Variants in PHACTR1 observed in about 807,000 individuals in gnomAD.
PHACTR1 encodes RPEL repeat containing 1.
A neutral mutation model predicts 69.2 loss-of-function variants in PHACTR1; 16 were observed. The ratio of observed to expected loss-of-function variants is 0.23; its 90% confidence interval spans 0.16 to 0.35. PHACTR1 has a LOEUF of 0.35. PHACTR1 is among the 10% of genes least tolerant of loss of function. The probability of loss-of-function intolerance (pLI) is 1.00; values close to 1 mark genes in which losing one functional copy is unlikely to be tolerated. For missense variants in PHACTR1, 510 were observed against 734.7 expected, an observed-to-expected ratio of 0.69 and a Z score of 3.54; for synonymous variants, 312 against 284.5, an observed-to-expected ratio of 1.10 and a Z score of -0.97.
intron 4 of PHACTR1, among the ~76,000 whole-genome samples, chr6:12,942,288 T>C (rs961494780): frequency 1.3e-5 from 2 of 152,224 alleles, no homozygotes; most frequent in Admixed American, 6.5e-5. Context: ...TTAGTGTGCC[T>C]AGCACTGTGC....
At chr6:13,231,474 AGG>A (rs1395699449) in intron 10 of PHACTR1, among the ~76,000 whole-genome samples, 2 of 151,642 alleles carry the variant, frequency 1.3e-5, no homozygotes, top group Non-Finnish European at 2.9e-5. Flanking sequence ...GAAGGAAGGA[AGG>A]AAAGAAGGAA....
At chr6:12,842,683 A>G (rs976342484) in intron 4 of PHACTR1, among the ~76,000 whole-genome samples, 2 of 151,508 alleles carry the variant, frequency 1.3e-5, no homozygotes, top group African/African-American at 4.9e-5. Flanking sequence ...CTGGGACTGT[A>G]GGCAAGTACT....
At chr6:12,957,634 G>A in intron 4 of PHACTR1, 1 of 985,656 alleles carries the variant, frequency 1.0e-6, no homozygotes. Flanking sequence ...GGGTTGGTGT[G>A]CCTGCCAACT....
rs1157388537 is a variant in PHACTR1, at chr6:12,731,880, A to G, written c.103+13033A>G. ...ATGCTCACATGTCGCCACACATTCA[A>G]AGGTAGAATGTCTCAATGTTGTGCG... On this transcript the variant is annotated intron_variant, in intron 3 of 14. Transcript: ENST00000332995. Among the ~76,000 whole-genome samples the G allele has an allele frequency of 2.6e-5, 4 of 152,326 alleles. 1 individual carries two copies. The South Asian group carries it at 6.2e-4, about 24-fold the overall frequency.
intron 4 of PHACTR1, among the ~76,000 whole-genome samples, chr6:12,975,317 AAAG>A (rs1276031709): frequency 6.6e-6 from 1 of 152,242 alleles, no homozygotes; most frequent in East Asian, 1.9e-4. Flanking sequence ...GCTACACGTT[AAAG>A]AAGAGCTCAC....
At chr6:13,050,312 TA>T (rs1337018697) in intron 4 of PHACTR1, among the ~76,000 whole-genome samples, 5 of 152,234 alleles carry the variant, frequency 3.3e-5, no homozygotes, top group African/African-American at 1.2e-4. Flanking sequence ...AACCCGTACT[TA>T]AAACCTTCTG....
At chr6:12,938,480 C>T (rs1335500744) in intron 4 of PHACTR1, among the ~76,000 whole-genome samples, 4 of 152,142 alleles carry the variant, frequency 2.6e-5, no homozygotes, top group East Asian at 3.9e-4. Context: ...GACAATAACA[C>T]GGCATGGCCC....
intron 4 of PHACTR1, among the ~76,000 whole-genome samples, chr6:12,829,409 G>C (rs1418336105): frequency 6.6e-6 from 1 of 152,148 alleles, no homozygotes; most frequent in Admixed American, 6.5e-5. Flanking sequence ...TGTTGCCTCA[G>C]GTACAAGACA....
At chr6:13,209,394 C>T (rs1766445926) in intron 8 of PHACTR1, among the ~76,000 whole-genome samples, 1 of 152,220 alleles carries the variant, frequency 6.6e-6, no homozygotes, top group Non-Finnish European at 1.5e-5. Context: ...CCAAAAAACT[C>T]TGCAAGAAGG....
chr6:12,719,871 G>A (rs933158959), intron 3 of PHACTR1, among the ~76,000 whole-genome samples: 1 of 152,114 alleles, frequency 6.6e-6, no homozygotes, highest in Admixed American at 6.5e-5. Flanking sequence ...CTCCTTCTCT[G>A]CTTTCATTTC....
chr6:12,918,017 T>C (rs1420236178), intron 4 of PHACTR1, among the ~76,000 whole-genome samples: 1 of 152,232 alleles, frequency 6.6e-6, no homozygotes, highest in Non-Finnish European at 1.5e-5. Context: ...GCACCATTCA[T>C]AGTGATATGA....
rs374156442 is a variant in PHACTR1 at position 12,718,885 on chromosome 6, C to T, written c.103+38C>T. 5.1e-6 allele frequency: 7 copies of T among 1,362,214 alleles called. No individual in the cohort carries two copies. In the African/African-American group the frequency reaches 5.8e-5, roughly 11 times the overall value. 84.4% of individuals were successfully genotyped at this position (1,362,214 alleles called of 1,614,324 possible). A position where few individuals can be genotyped will look rare whatever the true frequency, so the allele number is the denominator to read the frequency against. Reference sequence around the variant, plus strand: ...GAAAAAGAAATTCCTCTTATTTGCACGTCGGTTTTATATGAACAGCCATGT... The same window carrying T: ...GAAAAAGAAATTCCTCTTATTTGCATGTCGGTTTTATATGAACAGCCATGT... On this transcript the variant is annotated intron_variant, in intron 3 of 14. Coordinates refer to ENST00000332995, the MANE Select transcript of PHACTR1 (RefSeq NM_030948.6).
intron 5 of PHACTR1, among the ~76,000 whole-genome samples, chr6:13,086,943 A>G (rs963308792): frequency 6.6e-6 from 1 of 151,882 alleles, no homozygotes; most frequent in African/African-American, 2.4e-5. Flanking sequence ...TTATCCATTC[A>G]TTTATTTTAG....
At chr6:12,988,335 C>T (rs1050505824) in intron 4 of PHACTR1, among the ~76,000 whole-genome samples, 7 of 152,274 alleles carry the variant, frequency 4.6e-5, no homozygotes, top group South Asian at 2.1e-4. Flanking sequence ...TTATGTGGCA[C>T]GAAGCCACAT....
At chr6:13,218,911 G>GAGAAGAGAAGAGAAGAGAAT (rs1768164246) in intron 8 of PHACTR1, among the ~76,000 whole-genome samples, 1 of 139,210 alleles carries the variant, frequency 7.2e-6, no homozygotes, top group Non-Finnish European at 1.6e-5. Flanking sequence ...GAGAAGAGAA[G>GAGAAGAGAAGAGAAGAGAAT]AGAAAAGGTA....
chr6:13,253,061 C>T (rs1021495028), intron 10 of PHACTR1: 5 of 454,910 alleles, frequency 1.1e-5, no homozygotes, highest in Admixed American at 9.4e-5. Context: ...TGTGGCCCCA[C>T]TGAATGAGGA....
rs573171246 is a variant in PHACTR1, at chr6:13,211,502, A to AATGTGGATCC, written c.986+5374_986+5383dup. Among the ~76,000 whole-genome samples the AATGTGGATCC allele has an allele frequency of 1.1e-4, 17 of 152,300 alleles. No homozygotes were observed. The South Asian group carries it at 3.5e-3, about 32-fold the overall frequency. ...TCTCCTATTAGTAAAATGAAGGTGG[A>AATGTGGATCC]ATGTGGATCCATGTGGACCCTGAAG... On this transcript the variant is annotated intron_variant, in intron 8 of 14. Transcript: ENST00000332995.
chr6:12,922,655 C>T (rs1268103119), intron 4 of PHACTR1, among the ~76,000 whole-genome samples: 1 of 152,182 alleles, frequency 6.6e-6, no homozygotes, highest in African/African-American at 2.4e-5. Flanking sequence ...TCCTACTATC[C>T]TTTACCCATT....
intron 4 of PHACTR1, among the ~76,000 whole-genome samples, chr6:12,875,474 GA>G (rs1782441822): frequency 6.6e-6 from 1 of 152,212 alleles, no homozygotes; most frequent in Admixed American, 6.5e-5. Context: ...GCAGAACCAA[GA>G]GTCAGCCTTG....
Sources: gnomAD v4.1 joint callset for allele counts (sites outside exome capture counted in the v4.1 genomes callset) on GRCh38, gnomAD v4.1.1 for gene constraint, MANE v1.5 for transcripts, NCBI Gene and HGNC (gene_info 2026-07-23, HGNC 2026-07-21) for gene names.